CDKAL1: variants seen among roughly 807,000 people sequenced by gnomAD.
CDKAL1 encodes CDKAL1 threonylcarbamoyladenosine tRNA methylthiotransferase.
A neutral mutation model predicts 68.2 loss-of-function variants in CDKAL1; 32 were observed. The ratio of observed to expected loss-of-function variants is 0.47; its 90% CI spans 0.35 to 0.63. The LOEUF is 0.63. Among genes scored for constraint, CDKAL1 ranks in the 30% least tolerant of loss-of-function variants. CDKAL1 has a pLI of 0.00. For synonymous variants in CDKAL1, 234 were observed against 244.3 expected, an observed-to-expected ratio of 0.96 and a Z score of 0.39; for missense variants, 606 against 696.7, an observed-to-expected ratio of 0.87 and a Z score of 1.47.
chr6:20,936,897 A>T (rs533781590), intron 9 of CDKAL1, among the ~76,000 whole-genome samples: 2 of 152,140 alleles, frequency 1.3e-5, no homozygotes, highest in South Asian at 4.1e-4. Context: ...CTTAAATTTC[A>T]CCTGAAGCTC....
intron 13 of CDKAL1, among the ~76,000 whole-genome samples, chr6:21,134,707 G>C (rs1264442493): frequency 6.6e-6 from 1 of 151,782 alleles, no homozygotes; most frequent in African/African-American, 2.4e-5. Context: ...TTGCAGTGAG[G>C]TTTAATTAGT....
At chr6:20,814,914 G>A (rs939273403) in intron 8 of CDKAL1, among the ~76,000 whole-genome samples, 1 of 152,030 alleles carries the variant, frequency 6.6e-6, no homozygotes, top group African/African-American at 2.4e-5. Context: ...CATTGCTAAG[G>A]CTGCCATGCT....
intron 8 of CDKAL1, among the ~76,000 whole-genome samples, chr6:20,796,506 G>A (rs557501890): frequency 3.3e-5 from 5 of 152,232 alleles, no homozygotes; most frequent in Admixed American, 3.3e-4. Flanking sequence ...TATATGGAAA[G>A]GCAAGGGAAG....
At chr6:20,842,067 A>C (rs1778194470) in intron 8 of CDKAL1, among the ~76,000 whole-genome samples, 1 of 152,206 alleles carries the variant, frequency 6.6e-6, no homozygotes, top group South Asian at 2.1e-4. Flanking sequence ...CTAGACAATT[A>C]TTTAATTGTT....
At chr6:20,759,175 T>A (rs1247852433) in intron 7 of CDKAL1, among the ~76,000 whole-genome samples, 2 of 152,208 alleles carry the variant, frequency 1.3e-5, no homozygotes, top group Non-Finnish European at 2.9e-5. Flanking sequence ...TTTTCTTTTT[T>A]AAATATTATT....
chr6:20,966,372 AG>A (rs1489958428), intron 10 of CDKAL1, among the ~76,000 whole-genome samples: 1 of 152,220 alleles, frequency 6.6e-6, no homozygotes, highest in East Asian at 1.9e-4. Flanking sequence ...TGGAAACATA[AG>A]GATTATTGTT....
At chr6:21,098,145 A>G (rs1234346300) in intron 12 of CDKAL1, among the ~76,000 whole-genome samples, 1 of 152,236 alleles carries the variant, frequency 6.6e-6, no homozygotes, top group Non-Finnish European at 1.5e-5. Flanking sequence ...CATTCAATTA[A>G]TCACCTAAGT....
intron 5 of CDKAL1, among the ~76,000 whole-genome samples, chr6:20,678,222 A>G (rs1470197317): frequency 1.3e-5 from 2 of 152,064 alleles, no homozygotes; most frequent in Admixed American, 1.3e-4. Flanking sequence ...TATTTGGTGC[A>G]TAGGTATCTA....
intron 4 of CDKAL1, among the ~76,000 whole-genome samples, chr6:20,580,489 G>T (rs887366144): frequency 6.6e-6 from 1 of 151,998 alleles, no homozygotes; most frequent in Non-Finnish European, 1.5e-5. Context: ...CACTATTATG[G>T]CCACTTCTCA....
chr6:20,946,079 A>G (rs1331146709), intron 9 of CDKAL1, among the ~76,000 whole-genome samples: 2 of 152,244 alleles, frequency 1.3e-5, no homozygotes, highest in Non-Finnish European at 2.9e-5. Flanking sequence ...TATAATATAC[A>G]TATTGCATAA....
At chr6:21,133,998 T>A (rs1775453934) in intron 13 of CDKAL1, among the ~76,000 whole-genome samples, 1 of 152,188 alleles carries the variant, frequency 6.6e-6, no homozygotes, top group African/African-American at 2.4e-5. Context: ...CAAGCTGCAA[T>A]ACAGATTAAT....
intron 4 of CDKAL1, among the ~76,000 whole-genome samples, chr6:20,647,206 C>T (rs115510092): frequency 1.5e-3 from 230 of 152,308 alleles, no homozygotes; most frequent in African/African-American, 5.2e-3. Flanking sequence ...AGGAGTATCT[C>T]CCATGTAGCA....
rs551550371 is a variant in CDKAL1, at chr6:20,836,753, A to G, written c.639-9322A>G. On this transcript the variant is annotated intron_variant, in intron 8 of 15. Coordinates refer to ENST00000274695, the MANE Select transcript of CDKAL1 (RefSeq NM_017774.3). ...TTTTATCATTCCCTTCTCCTGTTCC[A>G]ATAAAGAAAAGAGCTCTCACTGAAT... Among the ~76,000 whole-genome samples, 44 of 152,238 alleles carry G rather than the reference A, an allele frequency of 2.9e-4. 1 individual carries two copies. The highest frequency in any genetic ancestry group is 4.6e-4 in the Admixed American group (7 of 15,296).
chr6:21,171,075 G>C (rs1235706771), intron 13 of CDKAL1, among the ~76,000 whole-genome samples: 1 of 152,102 alleles, frequency 6.6e-6, no homozygotes, highest in Non-Finnish European at 1.5e-5. Flanking sequence ...GAAAAGTAAA[G>C]AGAAGAAACA....
intron 6 of CDKAL1, among the ~76,000 whole-genome samples, chr6:20,753,369 A>C (rs140872450): frequency 6.6e-6 from 1 of 152,166 alleles, no homozygotes; most frequent in Non-Finnish European, 1.5e-5. Flanking sequence ...TCAATGATGT[A>C]TATAAGTCAG....
At position 21,005,938 on chromosome 6, in the gene CDKAL1, C is replaced by G. The variant is rs76437669; in HGVS notation, c.1055+5566C>G. Reference sequence around the variant, plus strand: ...GCAGACTTGCAGAGGAAGTTTCATTCTGTGATCTCTCCGCTGTATACTCAT... The same window carrying G: ...GCAGACTTGCAGAGGAAGTTTCATTGTGTGATCTCTCCGCTGTATACTCAT... On this transcript the variant is annotated intron_variant, in intron 11 of 15. Transcript: ENST00000274695. 2.1e-3 allele frequency among the ~76,000 whole-genome samples: 313 copies of G among 152,194 alleles called. 1 individual carries two copies. Among genetic ancestry groups the G allele is most frequent in the African/African-American group, 6.2e-3 (259 of 41,526 alleles).
chr6:20,849,645 G>C (rs1185687453), intron 9 of CDKAL1, among the ~76,000 whole-genome samples: 3 of 151,530 alleles, frequency 2.0e-5, no homozygotes, highest in Non-Finnish European at 2.9e-5. Flanking sequence ...TCCGAAGCCA[G>C]GAAGAGAAGT....
intron 8 of CDKAL1, among the ~76,000 whole-genome samples, chr6:20,825,816 G>A (rs142528971): frequency 7.9e-5 from 12 of 152,230 alleles, no homozygotes; most frequent in African/African-American, 2.4e-4. Context: ...ATTATTGCCA[G>A]ATTCTAAATA....
intron 13 of CDKAL1, among the ~76,000 whole-genome samples, chr6:21,159,945 G>T (rs894856048): frequency 2.0e-5 from 3 of 152,148 alleles, no homozygotes; most frequent in African/African-American, 7.2e-5. Flanking sequence ...TCTTGAAAAA[G>T]ATCTTTGCAA....
Sources: gnomAD v4.1 joint callset for allele counts (sites outside exome capture counted in the v4.1 genomes callset) on GRCh38, gnomAD v4.1.1 for gene constraint, MANE v1.5 for transcripts, NCBI Gene and HGNC (gene_info 2026-07-23, HGNC 2026-07-21) for gene names.